ANK3: variants seen among roughly 807,000 people sequenced by gnomAD.
ANK3 encodes ankyrin 3.
A neutral mutation model predicts 370.9 loss-of-function variants in ANK3; 57 were observed. The observed-to-expected ratio is 0.15, with a 90% confidence interval of 0.12 to 0.19. The LOEUF (loss-of-function observed/expected upper bound fraction) is 0.19, where lower values mean the gene tolerates loss of function less well. Ranked by LOEUF, ANK3 falls within the 10% of genes least tolerant of loss-of-function variation. ANK3 has a pLI of 1.00. For missense variants in ANK3, 4,439 were observed against 5,302.1 expected (o/e 0.84, Z 5.06); for synonymous variants, 1,929 against 1,946.3 (o/e 0.99, Z 0.23).
rs77526053 is a variant in ANK3, at chr10:60,177,002, C to T, written c.2185-3816G>A. 4.8e-3 allele frequency among the ~76,000 whole-genome samples: 738 copies of T among 152,228 alleles called. 24 individuals are homozygous for T. The East Asian group carries it at 0.079, about 16-fold the overall frequency. ...TCTTCATTCACTGTTCCAGCTCATC[C>T]TCCCTACATTTCACCATCTCCACTG... On this transcript the variant is annotated intron_variant, in intron 18 of 43. Coordinates refer to ENST00000280772, the MANE Select transcript of ANK3 (RefSeq NM_020987.5).
intron 2 of ANK3, among the ~76,000 whole-genome samples, chr10:60,609,463 G>A (rs1477380009): frequency 3.3e-5 from 5 of 152,040 alleles, no homozygotes; most frequent in African/African-American, 1.2e-4. Flanking sequence ...GGTGCGTTTA[G>A]ATGTGACAAT....
chr10:60,196,454 T>C lies in ANK3; in HGVS notation c.1788+73A>G, dbSNP rs2096586478. ...ATTTAGTTATAATTTGAGTGGCTAT[T>C]AGTGAATATTAGCAAGGGTGTATTT... On this transcript the variant is annotated intron_variant, in intron 15 of 43. Coordinates refer to ENST00000280772, the MANE Select transcript of ANK3 (RefSeq NM_020987.5). 2.8e-6 allele frequency: 3 copies of C among 1,067,394 alleles called. No homozygotes were observed. In the East Asian group the frequency reaches 7.1e-5, roughly 25 times the overall value. The allele number at this position is 1,067,394 out of a possible 1,614,324, so 66.1% of individuals were successfully genotyped here.
chr10:60,618,271 A>G (rs1345981426), intron 1 of ANK3, among the ~76,000 whole-genome samples: 1 of 152,192 alleles, frequency 6.6e-6, no homozygotes, highest in Non-Finnish European at 1.5e-5. Context: ...TATATAGCCA[A>G]AAAGAATTGT....
chr10:60,730,531 G>A (rs1433170288), intron 1 of ANK3, among the ~76,000 whole-genome samples: 1 of 152,114 alleles, frequency 6.6e-6, no homozygotes, highest in East Asian at 1.9e-4. Context: ...GGAGAAAGTA[G>A]ACTATATTAA....
At chr10:60,717,351 T>C (rs1195674060) in intron 1 of ANK3, among the ~76,000 whole-genome samples, 5 of 152,290 alleles carry the variant, frequency 3.3e-5, no homozygotes, top group African/African-American at 4.8e-5. Context: ...GCAAGGGTTC[T>C]GGGAGTGAGG....
intron 8 of ANK3, among the ~76,000 whole-genome samples, chr10:60,226,586 T>TATATACATAGTATATATACATA (rs575559986): frequency 1.4e-5 from 1 of 72,130 alleles, no homozygotes; most frequent in African/African-American, 7.3e-5. Context: ...ATATATACTA[T>TATATACATAGTATATATACATA]GTATATATAC....
intron 42 of ANK3, among the ~76,000 whole-genome samples, chr10:60,047,810 ATAAGGTAAAC>A (rs2077205829): frequency 6.6e-6 from 1 of 152,232 alleles, no homozygotes; most frequent in Non-Finnish European, 1.5e-5. Flanking sequence ...TGCTAAGCTA[ATAAGGTAAAC>A]TCACGACTGG....
chr10:60,375,283 A>G lies in ANK3; in HGVS notation c.114+14142T>C, dbSNP rs117843061. 3.4e-3 allele frequency among the ~76,000 whole-genome samples: 517 copies of G among 152,332 alleles called. 3 individuals carry two copies. The highest frequency in any genetic ancestry group is 4.3e-3 in the Non-Finnish European group (290 of 68,038). On this transcript the variant is annotated intron_variant, in intron 1 of 43. Transcript: ENST00000280772. Reference sequence around the variant, plus strand: ...TCTGAAAGCAGTCTTCTTTGCATTGACAGTTAATATTTAGCAAGAAAACCC... The same window carrying G: ...TCTGAAAGCAGTCTTCTTTGCATTGGCAGTTAATATTTAGCAAGAAAACCC...
chr10:60,029,875 C>CTTTCTT (rs2072912886), intron 43 of ANK3, 49 bp from the exon 44 acceptor site: 1 of 68,608 alleles, frequency 1.5e-5, no homozygotes, highest in African/African-American at 6.6e-5. Flanking sequence ...TTTTCTTTTT[C>CTTTCTT]TTTTTTTTTT....
At chr10:60,710,894 C>T (rs972714803) in intron 1 of ANK3, among the ~76,000 whole-genome samples, 3 of 152,186 alleles carry the variant, frequency 2.0e-5, no homozygotes, top group African/African-American at 7.2e-5. Context: ...ACTAGTCTGG[C>T]AGAAAGCAAA....
chr10:60,252,405 G>A (rs2097682671), intron 7 of ANK3, among the ~76,000 whole-genome samples: 1 of 152,094 alleles, frequency 6.6e-6, no homozygotes, highest in African/African-American at 2.4e-5. Context: ...TTCACTGAAT[G>A]GGGGAAATAA....
At chr10:60,032,907 A>G (rs557862725) in intron 43 of ANK3, among the ~76,000 whole-genome samples, 5 of 152,352 alleles carry the variant, frequency 3.3e-5, no homozygotes, top group African/African-American at 1.2e-4. Context: ...AACCTTGGCT[A>G]AGTGACTGTG....
chr10:60,066,172 C>T (rs781484064), intron 38 of ANK3, among the ~76,000 whole-genome samples: 2 of 152,080 alleles, frequency 1.3e-5, no homozygotes, highest in Non-Finnish European at 2.9e-5. Flanking sequence ...ACTCCTACTG[C>T]CCAATAAGCC....
chr10:60,158,506 C>T (rs559023441), intron 23 of ANK3, among the ~76,000 whole-genome samples: 1 of 152,044 alleles, frequency 6.6e-6, no homozygotes, highest in African/African-American at 2.4e-5. Flanking sequence ...TGGAATATTT[C>T]ATTTTCTTTT....
At chr10:60,184,501 A>G (rs988689842) in intron 17 of ANK3, among the ~76,000 whole-genome samples, 2 of 152,254 alleles carry the variant, frequency 1.3e-5, no homozygotes. Context: ...CCTTAAGTTC[A>G]ACATGCTAAT....
intron 2 of ANK3, among the ~76,000 whole-genome samples, chr10:60,579,826 T>C (rs2077727298): frequency 6.6e-6 from 1 of 152,188 alleles, no homozygotes; most frequent in Admixed American, 6.5e-5. Context: ...TTTGTAATAT[T>C]GATGCTTTTG....
At chr10:60,396,889 A>G (rs113923831) in intron 2 of ANK3, among the ~76,000 whole-genome samples, 1,922 of 152,210 alleles carry the variant, frequency 0.013, 47 homozygotes, top group African/African-American at 0.044. Flanking sequence ...CCCAACATAC[A>G]CGCTGTGATG....
chr10:60,264,648 A>G (rs79349843), intron 5 of ANK3, among the ~76,000 whole-genome samples: 2,309 of 29,644 alleles, frequency 0.078, 62 homozygotes, highest in African/African-American at 0.15. Context: ...AAAAAAAAAG[A>G]AAAAAAAAAA....
chr10:60,605,290 A>G (rs965144224), intron 2 of ANK3, among the ~76,000 whole-genome samples: 1 of 151,976 alleles, frequency 6.6e-6, no homozygotes, highest in Admixed American at 6.6e-5. Context: ...ACTCAAATGC[A>G]CTTAAAGAAG....
Sources: gnomAD v4.1 joint callset for allele counts (sites outside exome capture counted in the v4.1 genomes callset) on GRCh38, gnomAD v4.1.1 for gene constraint, MANE v1.5 for transcripts, NCBI Gene and HGNC (gene_info 2026-07-23, HGNC 2026-07-21) for gene names.